Variants in PRX observed in about 807,000 individuals in gnomAD.
PRX encodes periaxin.
A neutral mutation model predicts 29.6 loss-of-function variants in PRX; 24 were observed. That is an observed-to-expected ratio of 0.81 (90% CI 0.59 to 1.14). The LOEUF is 1.14. Among genes scored for constraint, PRX ranks in the 50% most tolerant of loss-of-function variants. The probability of loss-of-function intolerance (pLI) is 0.00; values close to 1 mark genes in which losing one functional copy is unlikely to be tolerated. For missense variants in PRX, 1,838 were observed against 1,926.4 expected (o/e 0.95, Z 0.86); for synonymous variants, 772 against 831.7 (o/e 0.93, Z 1.24).
At chr19:40,400,213 G>A (rs565632068) in intron 5 of PRX, among the ~76,000 whole-genome samples, 120 of 142,636 alleles carry the variant, frequency 8.4e-4, no homozygotes, top group Non-Finnish European at 1.4e-3. Flanking sequence ...AACTCCCGAC[G>A]TCAGGTGATC....
Position 40,394,668 on chromosome 19 carries a change from G to T in PRX, c.3684C>A (p.Ser1228Arg). Residue 1228 changes from serine to arginine, a missense_variant, in exon 7 of 7, where the codon AGC becomes AGA. This residue lies in a region of PRX where 1,143 missense variants were observed against 1,193.0 expected (regional missense o/e 0.96). Transcript: ENST00000324001. The surrounding 1 kb of genome is among the most constrained non-coding windows in gnomAD (Gnocchi z 5.8). Reference sequence around the variant, plus strand: ...CCGCCTCGCCCGCCTGTGCCTCTCGGCTTAGCCCCACGTCCAGCTCAAGCT... The same window carrying T: ...CCGCCTCGCCCGCCTGTGCCTCTCGTCTTAGCCCCACGTCCAGCTCAAGCT... Reference protein sequence around the residue: ...VPQLELDVGLSREAQAGEAAT... With the variant: ...VPQLELDVGLRREAQAGEAAT... The T allele has an allele frequency of 6.2e-7, 1 of 1,608,924 alleles. No homozygotes were observed.
chr19:40,404,796 A>G (rs2079521255), intron 4 of PRX, among the ~76,000 whole-genome samples: 1 of 151,830 alleles, frequency 6.6e-6, no homozygotes, highest in Non-Finnish European at 1.5e-5. Flanking sequence ...CTGGTCTCAA[A>G]CTCCTGGCCT....
chr19:40,411,557 G>A (rs1364862829), intron 1 of PRX, among the ~76,000 whole-genome samples: 2 of 152,146 alleles, frequency 1.3e-5, no homozygotes, highest in Admixed American at 1.3e-4. Context: ...AGGAAGTTCA[G>A]GCGGGGCAGG....
chr19:40,410,848 G>A (rs1344325631), intron 1 of PRX, among the ~76,000 whole-genome samples: 1 of 152,166 alleles, frequency 6.6e-6, no homozygotes, highest in Non-Finnish European at 1.5e-5. Context: ...TCCAGCCTGT[G>A]CGATAGAGCG....
In PRX at chr19:40,397,047, C is replaced by A. The variant is rs774726237; in HGVS notation, c.1305G>T (p.Lys435Asn). 1 of 1,614,116 alleles carries A rather than the reference C, an allele frequency of 6.2e-7. No individual in the cohort carries two copies. The highest frequency in any genetic ancestry group is 8.5e-7 in the Non-Finnish European group (1 of 1,180,044). ...LGIGVSGPEVKVPKGPEVKLP... is the reference protein window; with the variant it reads ...LGIGVSGPEVNVPKGPEVKLP... ...GCTTCACTTCAGGTCCCTTGGGCAC[C>A]TTGACCTCGGGCCCTGACACTCCGA... The change falls in exon 7 of 7, where the codon AAG becomes AAT. Residue 435 changes from lysine to asparagine, a missense_variant. Physicochemically the swap from Lys to Asn is moderately conservative, Grantham distance 94. Around this residue, in one of 3 missense-constraint regions of PRX, gnomAD observed 666 missense variants for 665.0 expected, o/e 1.00. Coordinates refer to ENST00000324001, the MANE Select transcript of PRX (RefSeq NM_181882.3).
rs764162630 is a variant in PRX at position 40,395,443 on chromosome 19, C to T, written c.2909G>A (p.Arg970Gln). Residue 970 changes from arginine (R) to glutamine (Q), a missense_variant, in exon 7 of 7, where the codon CGG (arginine) becomes CAG (glutamine). This residue lies in a region of PRX where 1,143 missense variants were observed against 1,193.0 expected (regional missense o/e 0.96). Coordinates refer to ENST00000324001, the MANE Select transcript of PRX (RefSeq NM_181882.3). ...SKFAISLPKA[R>Q]VGAEAEAKGA... Reference sequence around the variant, plus strand: ...TTTGGCCTCAGCCTCAGCCCCCACCCGAGCCTTGGGGAGTGAGATGGCAAA... The same window carrying T: ...TTTGGCCTCAGCCTCAGCCCCCACCTGAGCCTTGGGGAGTGAGATGGCAAA... 50 of 1,613,940 alleles carry T rather than the reference C, an allele frequency of 3.1e-5. No homozygotes were observed. Among genetic ancestry groups the T allele is most frequent in the East Asian group, 1.6e-4 (7 of 44,872 alleles).
chr19:40,399,891 C>CTTTCT (rs1270457639), intron 5 of PRX, among the ~76,000 whole-genome samples: 1 of 68,834 alleles, frequency 1.5e-5, no homozygotes, highest in Non-Finnish European at 3.1e-5. Context: ...TTCTTTCTTT[C>CTTTCT]TTTCTTTCTT....
intron 1 of PRX, among the ~76,000 whole-genome samples, chr19:40,409,321 C>T (rs1351629983): frequency 1.3e-5 from 2 of 152,014 alleles, no homozygotes; most frequent in Non-Finnish European, 2.9e-5. Flanking sequence ...CAGCTCCTCT[C>T]TGTGCTTCAG....
At chr19:40,403,522 A>T (rs2079510156) in intron 5 of PRX, among the ~76,000 whole-genome samples, 184 bp downstream of exon 5, 2 of 152,200 alleles carry the variant, frequency 1.3e-5, no homozygotes, top group Admixed American at 6.5e-5. Context: ...ATTCGCACCC[A>T]GACAGTGAAC....
In PRX at chr19:40,397,824, CTT is replaced by C; in HGVS notation, c.526_527del (p.Lys176GlyfsTer46). The C allele has an allele frequency of 6.3e-7, 1 of 1,592,384 alleles. No individual in the cohort carries two copies. The stretch of plus-strand genomic sequence containing the variant: ...GGGCAGGGGCAGCCGGGACAGGACC[CTT>C]GACAGCCTCGGCTTTGAGGCCCCGA... ...LRRGLKAEAV[K>X]GPVPAAPARR... On this transcript the variant is annotated frameshift_variant, in exon 7 of 7. Coordinates refer to ENST00000324001, the MANE Select transcript of PRX (RefSeq NM_181882.3). LOFTEE classifies it low-confidence loss of function (END_TRUNC).
intron 1 of PRX, among the ~76,000 whole-genome samples, chr19:40,409,470 T>TATTATTATTATC (rs1381081091): frequency 6.7e-6 from 1 of 148,372 alleles, no homozygotes; most frequent in African/African-American, 2.5e-5. Context: ...TTATTATTAT[T>TATTATTATTATC]ATTATTATTA....
chr19:40,413,787 C>G (rs1284084934), upstream of PRX, among the ~76,000 whole-genome samples: 1 of 152,214 alleles, frequency 6.6e-6, no homozygotes, highest in African/African-American at 2.4e-5. Flanking sequence ...TGACCTGCTG[C>G]CAGTCACAGC....
Position 40,407,964 on chromosome 19 carries a change from T to A in PRX, c.-32A>T, listed in dbSNP as rs1172943322. Reference sequence around the variant, plus strand: ...GCTGGGAGGCACCTGCACCCCAGGCTCCTGTGTCCTCTCCCCTTTCTGCTG... The same window carrying A: ...GCTGGGAGGCACCTGCACCCCAGGCACCTGTGTCCTCTCCCCTTTCTGCTG... On this transcript the variant is annotated 5_prime_UTR_variant, in exon 4 of 7. Coordinates refer to ENST00000324001, the MANE Select transcript of PRX (RefSeq NM_181882.3). 6.2e-7 allele frequency: 1 copy of A among 1,613,492 alleles called. No individual in the cohort carries two copies. The highest frequency in any genetic ancestry group is 8.5e-7 in the Non-Finnish European group (1 of 1,180,016).
rs1599662852 is a variant in PRX at position 40,403,769 on chromosome 19, CCT to C, written c.119_120del (p.Glu40GlyfsTer110). ...TCGCGCAGCTCCCGAACGAAGATTC[CCT>C]CTTTGCCGCCGCCCGCTACGTTGAT... ...SGINVAGGGKEGIFVRELRED... is the reference protein window; with the variant it reads ...SGINVAGGGKXGIFVRELRED... On this transcript the variant is annotated frameshift_variant, in exon 5 of 7. Coordinates refer to ENST00000324001, the MANE Select transcript of PRX (RefSeq NM_181882.3). LOFTEE classifies it high-confidence loss of function. The C allele has an allele frequency of 6.3e-7, 1 of 1,598,048 alleles. No homozygotes were observed. Among genetic ancestry groups the C allele is most frequent in the Non-Finnish European group, 8.5e-7 (1 of 1,173,588 alleles).
At chr19:40,399,891 CTTTCTTTCTTTCTT>C (rs748301347) in intron 5 of PRX, among the ~76,000 whole-genome samples, 4,071 of 68,676 alleles carry the variant, frequency 0.059, 140 homozygotes, top group African/African-American at 0.21. Flanking sequence ...TTCTTTCTTT[CTTTCTTTCTTTCTT>C]TTTCTTTCTT....
At chr19:40,408,842 TGTGTGA>T (rs1216094530) in intron 1 of PRX, among the ~76,000 whole-genome samples, 1 of 150,688 alleles carries the variant, frequency 6.6e-6, no homozygotes, top group Admixed American at 6.9e-5. Context: ...TGTGTGTGTG[TGTGTGA>T]GAGAGAGAGT....
At chr19:40,402,074 C>A (rs2079498477) in intron 5 of PRX, among the ~76,000 whole-genome samples, 1 of 152,134 alleles carries the variant, frequency 6.6e-6, no homozygotes, top group Admixed American at 6.5e-5. Context: ...AGCTGTAGGC[C>A]GGCCTCGGTG....
Position 40,394,201 on chromosome 19 carries a change from G to A in PRX, c.4151C>T (p.Ala1384Val), listed in dbSNP as rs201618230. 4.3e-5 allele frequency: 68 copies of A among 1,591,000 alleles called. No homozygotes were observed. Among genetic ancestry groups the A allele is most frequent in the Admixed American group, 3.1e-4 (18 of 58,086 alleles). ...CCCCCGAGAGGCTTTAGAAGGGGCC[G>A]CCAGGCCTACACGTGGCAAGCGGAC... ...VRVRLPRVGL[A>V]APSKASRGQE... is the part of the protein sequence containing the mutation. The change falls in exon 7 of 7, where the codon GCG becomes GTG. Residue 1384 changes from alanine to valine, a missense_variant. Ala to Val is a moderately conservative substitution (Grantham distance 64). This residue lies in a region of PRX where 1,143 missense variants were observed against 1,193.0 expected (regional missense o/e 0.96). Coordinates refer to ENST00000324001, the MANE Select transcript of PRX (RefSeq NM_181882.3). This position sits in a 1 kb window ranked among gnomAD's most constrained non-coding sequence, Gnocchi z 5.8.
intron 4 of PRX, 42 bp downstream of exon 4, chr19:40,407,864 C>T: frequency 6.8e-6 from 11 of 1,611,632 alleles, no homozygotes; most frequent in Non-Finnish European, 8.5e-6. Context: ...TGTGCCTCCC[C>T]ATTGCCCTCA....
Sources: allele counts gnomAD v4.1 joint callset (sites outside exome capture counted in the v4.1 genomes callset), GRCh38; gene constraint gnomAD v4.1.1; regional missense constraint gnomAD v4.1.1; non-coding constraint Gnocchi (gnomAD v3.1); transcripts MANE v1.5; gene names NCBI Gene and HGNC (gene_info 2026-07-23, HGNC 2026-07-21).